ADAM10: variants seen among roughly 807,000 people sequenced by gnomAD.
ADAM10 encodes disintegrin and metalloproteinase domain-containing protein 10.
ADAM10 carries 17 observed loss-of-function variants against 90.1 expected under a neutral mutation model. That is an observed-to-expected ratio of 0.19 (90% CI 0.13 to 0.28). The LOEUF (loss-of-function observed/expected upper bound fraction) is 0.28, where lower values mean the gene tolerates loss of function less well. ADAM10 is among the 10% of genes least tolerant of loss of function. The pLI, the probability that ADAM10 is intolerant of heterozygous loss-of-function variation, is 1.00. For synonymous variants in ADAM10, 310 were observed against 298.6 expected (o/e 1.04, Z -0.40); for missense variants, 610 against 914.3 (o/e 0.67, Z 4.29).
chr15:58,745,644 G>A (rs1899766187), intron 1 of ADAM10, among the ~76,000 whole-genome samples: 1 of 151,996 alleles, frequency 6.6e-6, no homozygotes, highest in South Asian at 2.1e-4. Flanking sequence ...TTGGATAAGG[G>A]GTCACAGTCA....
intron 10 of ADAM10, among the ~76,000 whole-genome samples, chr15:58,623,359 A>G (rs1895845040): frequency 6.6e-6 from 1 of 152,178 alleles, no homozygotes; most frequent in Non-Finnish European, 1.5e-5. Flanking sequence ...CAGGGCCCCC[A>G]GGGATGTTGC....
chr15:58,627,933 T>C (rs1482964649), intron 9 of ADAM10, 50 bp from the exon 10 acceptor site: 1 of 1,554,114 alleles, frequency 6.4e-7, no homozygotes, highest in South Asian at 1.1e-5. Context: ...AATAAGGTTT[T>C]CAGGTCAACT....
intron 1 of ADAM10, among the ~76,000 whole-genome samples, chr15:58,739,419 A>T (rs1899531744): frequency 6.6e-6 from 1 of 151,712 alleles, no homozygotes; most frequent in African/African-American, 2.4e-5. Flanking sequence ...CGGGAGGCTG[A>T]GGCAGAAGAA....
In ADAM10 at chr15:58,749,669, G is replaced by A; in HGVS notation, c.-135C>T. The A allele has an allele frequency of 2.0e-6, 3 of 1,473,848 alleles. No homozygotes were observed. The highest frequency in any genetic ancestry group is 2.2e-5 in the Admixed American group (1 of 45,524). The allele number at this position is 1,473,848 out of a possible 1,614,324, so 91.3% of individuals were successfully genotyped here. ...GACCTCCCCTGGCAGGAGAAACGGC[G>A]AAGCACCTCCCTCTCGCTCCACTTC... On this transcript the variant is annotated 5_prime_UTR_variant, in exon 1 of 16. Transcript: ENST00000260408.
intron 1 of ADAM10, among the ~76,000 whole-genome samples, chr15:58,723,104 T>C (rs80105115): frequency 0.17 from 25,924 of 151,808 alleles, 2,484 homozygotes; most frequent in East Asian, 0.44. Context: ...CCTAATAATA[T>C]AATCTTTCAA....
chr15:58,737,908 G>A (rs1214654484), intron 1 of ADAM10, among the ~76,000 whole-genome samples: 1 of 152,174 alleles, frequency 6.6e-6, no homozygotes, highest in East Asian at 1.9e-4. Flanking sequence ...ACCTTGGTGT[G>A]AGACAGAAAT....
chr15:58,694,948 T>C (rs1897934658), intron 2 of ADAM10, among the ~76,000 whole-genome samples: 1 of 152,168 alleles, frequency 6.6e-6, no homozygotes, highest in Non-Finnish European at 1.5e-5. Flanking sequence ...AAACATTCTT[T>C]ATCTTGATTT....
chr15:58,644,120 T>C, intron 6 of ADAM10, 142 bp from the exon 7 acceptor site: 2 of 667,284 alleles, frequency 3.0e-6, no homozygotes, highest in African/African-American at 1.8e-5. Flanking sequence ...TGGACATAAA[T>C]ATAAAAAAGA....
chr15:58,739,083 T>C lies in ADAM10; in HGVS notation c.55+10397A>G, dbSNP rs539662946. ...AGAACCACTATGCCAAAGCTTGCTC[T>C]ACATTAAAGAAAAAGGGCTCCTCCC... On this transcript the variant is annotated intron_variant, in intron 1 of 15. Coordinates refer to ENST00000260408, the MANE Select transcript of ADAM10 (RefSeq NM_001110.4). Among the ~76,000 whole-genome samples, 10 of 152,292 alleles carry C rather than the reference T, an allele frequency of 6.6e-5. 1 individual carries two copies. The South Asian group carries it at 1.7e-3, about 25-fold the overall frequency.
intron 2 of ADAM10, among the ~76,000 whole-genome samples, chr15:58,709,750 T>C (rs899704178): frequency 8.6e-5 from 13 of 151,286 alleles, no homozygotes; most frequent in Admixed American, 7.2e-4. Context: ...AAAAAATAAA[T>C]AAAAAATAAA....
At chr15:58,710,211 A>G (rs374797712) in intron 2 of ADAM10, among the ~76,000 whole-genome samples, 4 of 152,302 alleles carry the variant, frequency 2.6e-5, no homozygotes, top group South Asian at 2.1e-4. Flanking sequence ...CCCAGGAGGC[A>G]GAGGTTGCGT....
chr15:58,640,433 G>C (rs893322551), intron 8 of ADAM10, among the ~76,000 whole-genome samples: 23 of 151,924 alleles, frequency 1.5e-4, no homozygotes, highest in African/African-American at 4.8e-4. Context: ...ATTTTGGAGG[G>C]GAAAAAAGTT....
At chr15:58,657,465 T>C (rs1331982829) in intron 5 of ADAM10, among the ~76,000 whole-genome samples, 2 of 152,230 alleles carry the variant, frequency 1.3e-5, no homozygotes, top group African/African-American at 4.8e-5. Flanking sequence ...TTATCAATTC[T>C]GTTACTAAGA....
chr15:58,616,284 C>A (rs561960789), intron 11 of ADAM10, among the ~76,000 whole-genome samples: 1 of 152,284 alleles, frequency 6.6e-6, no homozygotes, highest in African/African-American at 2.4e-5. Context: ...ATAGATCTAA[C>A]AGACATTTAC....
intron 6 of ADAM10, among the ~76,000 whole-genome samples, chr15:58,644,522 A>G (rs1028482813): frequency 3.3e-5 from 5 of 152,178 alleles, no homozygotes; most frequent in Non-Finnish European, 7.4e-5. Flanking sequence ...AGCCACCACA[A>G]CTGGCCTAAA....
intron 5 of ADAM10, among the ~76,000 whole-genome samples, chr15:58,663,788 A>G (rs1378527300): frequency 6.6e-6 from 1 of 152,048 alleles, no homozygotes; most frequent in African/African-American, 2.4e-5. Flanking sequence ...CATTTATTCT[A>G]TAATATATAA....
chr15:58,713,111 G>A (rs1898529779), intron 2 of ADAM10, among the ~76,000 whole-genome samples: 1 of 152,026 alleles, frequency 6.6e-6, no homozygotes, highest in South Asian at 2.1e-4. Context: ...GTGGTGTTTT[G>A]TTTGTTGAGA....
intron 4 of ADAM10, chr15:58,676,008 AT>A (rs1566990505): frequency 5.5e-6 from 1 of 180,580 alleles, no homozygotes; most frequent in African/African-American, 2.4e-5. Context: ...TAAACCAATT[AT>A]ATAAAAATAA....
rs1853947820 is a variant in ADAM10, at chr15:58,595,108, T to G, written c.*2439A>C. ...AGCATTCAAAACTTTGAAAAACACA[T>G]AAAAACAAGACCATAAGTTTTCAAA... is the stretch of plus-strand genomic sequence containing the variant. On this transcript the variant is annotated 3_prime_UTR_variant, in exon 16 of 16. Transcript: ENST00000260408. The G allele has an allele frequency of 6.6e-6, 1 of 152,070 alleles. No individual in the cohort carries two copies. The highest frequency in any genetic ancestry group is 2.4e-5 in the African/African-American group (1 of 41,430). The allele number at this position is 152,070 out of a possible 1,614,324, so 9.4% of individuals were successfully genotyped here.
Sources: allele counts gnomAD v4.1 joint callset (sites outside exome capture counted in the v4.1 genomes callset), GRCh38; gene constraint gnomAD v4.1.1; transcripts MANE v1.5; gene names NCBI Gene and HGNC (gene_info 2026-07-23, HGNC 2026-07-21).